COPG2: variants seen among roughly 807,000 people sequenced by gnomAD.
COPG2 encodes coat protein complex I subunit gamma 2.
In COPG2, 37 loss-of-function variants were observed where a neutral mutation model predicts 46.3. That is an observed-to-expected ratio of 0.80 (90% CI 0.61 to 1.05). The LOEUF is 1.05. Among genes scored for constraint, COPG2 ranks in the 50% least tolerant of loss-of-function variants. The probability of loss-of-function intolerance (pLI) is 0.00; values close to 1 mark genes in which losing one functional copy is unlikely to be tolerated. For missense variants in COPG2, 427 were observed against 387.8 expected (o/e 1.10, Z -0.85); for synonymous variants, 159 against 129.7 (o/e 1.23, Z -1.53).
rs1000932486 is a variant in COPG2, at chr7:130,542,242, G to A, written c.2149+5432C>T. Reference sequence around the variant, plus strand: ...TGCAGGTCATGGAGGAGAAAGCATGGTGTGGGTAAGACACGGAAGGAATGA... The same window carrying A: ...TGCAGGTCATGGAGGAGAAAGCATGATGTGGGTAAGACACGGAAGGAATGA... On this transcript the variant is annotated intron_variant, in intron 20 of 23. Coordinates refer to ENST00000425248, the MANE Select transcript of COPG2 (RefSeq NM_012133.6). 2.8e-4 allele frequency among the ~76,000 whole-genome samples: 42 copies of A among 149,624 alleles called. No individual in the cohort carries two copies. In the East Asian group the frequency reaches 8.0e-3, roughly 28 times the overall value.
intron 5 of COPG2, among the ~76,000 whole-genome samples, chr7:130,632,741 T>C (rs782500646): frequency 6.6e-5 from 10 of 152,122 alleles, no homozygotes; most frequent in Non-Finnish European, 1.3e-4. Context: ...GATGAACCAA[T>C]GATTTTTTTT....
chr7:130,667,554 A>C lies in COPG2; in HGVS notation c.38-20T>G, dbSNP rs1554461649. ...CACTACCTATTTATAAAACAAAACA[A>C]AAAAATGTCCTGAACAGCTGTTCTA... On this transcript the variant is annotated intron_variant, in intron 1 of 23. Coordinates refer to ENST00000425248, the MANE Select transcript of COPG2 (RefSeq NM_012133.6). The C allele has an allele frequency of 1.2e-6, 2 of 1,608,070 alleles. No homozygotes were observed. Among genetic ancestry groups the C allele is most frequent in the Admixed American group, 3.3e-5 (2 of 59,942 alleles).
At chr7:130,622,579 T>G (rs1351942148) in intron 5 of COPG2, among the ~76,000 whole-genome samples, 1 of 152,202 alleles carries the variant, frequency 6.6e-6, no homozygotes, top group African/African-American at 2.4e-5. Flanking sequence ...GCAATCACTA[T>G]TTCTACAAAA....
rs370639788 is a variant in COPG2 at position 130,617,035 on chromosome 7, A to G, written c.354T>C (p.Asp118=). Residue 118 remains aspartate, a synonymous_variant, in exon 6 of 24, where the codon GAT becomes GAC. Coordinates refer to ENST00000425248, the MANE Select transcript of COPG2 (RefSeq NM_012133.6). ...CTCTGATGGCCGGGCCTCGGTATAC[A>G]TCTTCTTTTCCAGTCATGTCTTTAG... is the stretch of plus-strand genomic sequence containing the variant. ...SLTKDMTGKE[D]VYRGPAIRAL... The G allele has an allele frequency of 6.2e-7, 1 of 1,611,118 alleles. No individual in the cohort carries two copies. Among genetic ancestry groups the G allele is most frequent in the African/African-American group, 1.3e-5 (1 of 74,914 alleles).
intron 5 of COPG2, among the ~76,000 whole-genome samples, chr7:130,623,438 C>T (rs1424435274): frequency 2.6e-5 from 4 of 152,172 alleles, no homozygotes; most frequent in Non-Finnish European, 4.4e-5. Flanking sequence ...GTTCATGTGC[C>T]AGTACCATGC....
At chr7:130,663,737 T>C (rs909810085) in intron 3 of COPG2, among the ~76,000 whole-genome samples, 3 of 133,284 alleles carry the variant, frequency 2.3e-5, no homozygotes, top group African/African-American at 5.6e-5. Context: ...TTTCTTTTTT[T>C]TTTTTTTTTT....
intron 9 of COPG2, among the ~76,000 whole-genome samples, chr7:130,573,864 T>C (rs1793955542): frequency 6.6e-6 from 1 of 152,302 alleles, no homozygotes; most frequent in East Asian, 1.9e-4. Flanking sequence ...AGTGTGTTGA[T>C]AAAGACATAG....
chr7:130,535,027 G>A (rs937660811), intron 20 of COPG2, among the ~76,000 whole-genome samples: 126 of 152,286 alleles, frequency 8.3e-4, no homozygotes, highest in African/African-American at 2.9e-3. Context: ...TGGAAGATCC[G>A]GAGGAGCAAT....
chr7:130,535,582 A>G (rs1312522416), intron 20 of COPG2, among the ~76,000 whole-genome samples: 1 of 148,610 alleles, frequency 6.7e-6, no homozygotes, highest in African/African-American at 2.5e-5. Flanking sequence ...ACTTTGTTGC[A>G]CAGGTGTGAA....
At chr7:130,606,247 AG>A (rs1794726103) in intron 9 of COPG2, among the ~76,000 whole-genome samples, 1 of 151,252 alleles carries the variant, frequency 6.6e-6, no homozygotes, top group Non-Finnish European at 1.5e-5. Context: ...AGAAAGAGAG[AG>A]AGAGAGAGAG....
At chr7:130,513,306 AAAATAT>A (rs1216791133) in intron 20 of COPG2, among the ~76,000 whole-genome samples, 3 of 49,034 alleles carry the variant, frequency 6.1e-5, no homozygotes, top group African/African-American at 2.7e-4. Context: ...AAAAAAAAAA[AAAATAT>A]ATATATATAT....
chr7:130,577,909 C>T (rs1794041826), intron 9 of COPG2, among the ~76,000 whole-genome samples: 2 of 151,850 alleles, frequency 1.3e-5, no homozygotes, highest in South Asian at 2.1e-4. Flanking sequence ...AAGGCGGCAG[C>T]GAGGCTGGGG....
chr7:130,597,114 T>A lies in COPG2; in HGVS notation c.737+13839A>T, dbSNP rs181975754. ...GAACCAAATGGGACACCAGATACCCTGCACGATCCCCCTTTTGGGAAATGT... is the reference window on the plus strand; with the variant it reads ...GAACCAAATGGGACACCAGATACCCAGCACGATCCCCCTTTTGGGAAATGT... On this transcript the variant is annotated intron_variant, in intron 9 of 23. Transcript: ENST00000425248. 2.9e-3 allele frequency among the ~76,000 whole-genome samples: 438 copies of A among 152,320 alleles called. 2 individuals carry two copies. Among genetic ancestry groups the A allele is most frequent in the Non-Finnish European group, 5.0e-3 (338 of 68,016 alleles).
Position 130,666,890 on chromosome 7 carries a change from A to T in COPG2, c.130T>A (p.Cys44Ser), listed in dbSNP as rs1262344097. The T allele has an allele frequency of 6.4e-7, 1 of 1,567,802 alleles. No individual in the cohort carries two copies. The highest frequency in any genetic ancestry group is 8.7e-7 in the Non-Finnish European group (1 of 1,148,230). Residue 44 changes from cysteine to serine, a missense_variant, in exon 3 of 24, where the codon TGT (cysteine) becomes AGT (serine). Coordinates refer to ENST00000425248, the MANE Select transcript of COPG2 (RefSeq NM_012133.6). ...AGAATCTTTGTAAGAATATGCAAAC[A>T]TCTTCTTGGATTGATTGGAGTTTCA... ...FNETPINPRR[C>S]LHILTKILYL...
chr7:130,649,344 G>A (rs555541624), intron 5 of COPG2, among the ~76,000 whole-genome samples: 40 of 152,222 alleles, frequency 2.6e-4, no homozygotes, highest in Admixed American at 1.4e-3. Context: ...ATCAAGCCCT[G>A]GTTCCTTTTT....
intron 9 of COPG2, among the ~76,000 whole-genome samples, chr7:130,601,384 T>G (rs781859751): frequency 6.6e-6 from 1 of 152,184 alleles, no homozygotes; most frequent in Non-Finnish European, 1.5e-5. Flanking sequence ...TGTGGCACTA[T>G]TCACAATAGC....
intron 20 of COPG2, among the ~76,000 whole-genome samples, chr7:130,538,613 G>C (rs1264632089): frequency 6.6e-6 from 1 of 151,874 alleles, no homozygotes; most frequent in Non-Finnish European, 1.5e-5. Flanking sequence ...TGGAGGAAAT[G>C]GGGCATCACT....
At chr7:130,641,402 C>G (rs55699502) in intron 5 of COPG2, among the ~76,000 whole-genome samples, 2 of 151,942 alleles carry the variant, frequency 1.3e-5, no homozygotes, top group Admixed American at 1.3e-4. Context: ...TAGGGAATAC[C>G]AATATTTAGA....
intron 5 of COPG2, among the ~76,000 whole-genome samples, chr7:130,625,008 G>T (rs1330147170): frequency 1.2e-4 from 18 of 152,174 alleles, no homozygotes; most frequent in Admixed American, 1.2e-3. Flanking sequence ...CATAGTGGTT[G>T]TACTAATTTA....
Sources: gnomAD v4.1 joint callset for allele counts (sites outside exome capture counted in the v4.1 genomes callset) on GRCh38, gnomAD v4.1.1 for gene constraint, MANE v1.5 for transcripts, NCBI Gene and HGNC (gene_info 2026-07-23, HGNC 2026-07-21) for gene names.